Variants in EIF2AK1 observed in about 807,000 individuals in gnomAD.
The protein encoded by EIF2AK1 is eukaryotic translation initiation factor 2 alpha kinase 1.
Under a neutral mutation model 77.9 loss-of-function variants are expected in EIF2AK1, and 54 were observed. That is an observed-to-expected ratio of 0.69 (90% CI 0.56 to 0.87). The LOEUF (loss-of-function observed/expected upper bound fraction) is 0.87, where lower values mean the gene tolerates loss of function less well. Among genes scored for constraint, EIF2AK1 ranks in the 40% least tolerant of loss-of-function variants. The pLI, the probability that EIF2AK1 is intolerant of heterozygous loss-of-function variation, is 0.00. For missense variants in EIF2AK1, 810 were observed against 768.6 expected, an observed-to-expected ratio of 1.05 and a Z score of -0.64; for synonymous variants, 314 against 290.5, an observed-to-expected ratio of 1.08 and a Z score of -0.82.
intron 1 of EIF2AK1, among the ~76,000 whole-genome samples, chr7:6,056,605 A>AT (rs1157912221): frequency 3.5e-5 from 1 of 28,254 alleles, no homozygotes; most frequent in South Asian, 9.1e-4. Flanking sequence ...AGGGAAAAAA[A>AT]AAAAAAAAAT....
At chr7:6,049,800 A>G (rs1282294560) in intron 3 of EIF2AK1, 112 bp downstream of exon 3, 4 of 1,105,876 alleles carry the variant, frequency 3.6e-6, no homozygotes, top group African/African-American at 3.2e-5. Flanking sequence ...CCTAGAGTTT[A>G]TACTTTTAAA....
chr7:6,043,029 C>T (rs375005212), intron 7 of EIF2AK1, 36 bp from the exon 8 acceptor site: 9 of 1,601,360 alleles, frequency 5.6e-6, no homozygotes, highest in African/African-American at 5.4e-5. Context: ...CTTCAAACAG[C>T]CCAGTTTTTC....
chr7:6,045,946 C>T (rs568262703), intron 6 of EIF2AK1, 125 bp downstream of exon 6: 29 of 556,228 alleles, frequency 5.2e-5, no homozygotes, highest in African/African-American at 3.0e-4. Context: ...ACTATAACCC[C>T]ATTCCTAGTA....
rs150001751 is a variant in EIF2AK1 at position 6,038,665 on chromosome 7, A to G, written c.1126T>C (p.Tyr376His). The G allele has an allele frequency of 1.7e-5, 28 of 1,610,518 alleles. No homozygotes were observed. The Admixed American group carries it at 2.2e-4, about 13-fold the overall frequency. The part of the protein sequence containing the change: ...VNFLGQTEAQ[Y>H]HLMLHIQMQL... Reference sequence around the variant, plus strand: ...ATCTGGATGTGCAGCATCAGGTGGTACTGTGCCTAGGAGAGGACACAGTGA... The same window carrying G: ...ATCTGGATGTGCAGCATCAGGTGGTGCTGTGCCTAGGAGAGGACACAGTGA... The change falls in exon 10 of 15, where the codon TAC (tyrosine) becomes CAC (histidine). Residue 376 changes from tyrosine to histidine, a missense_variant. Physicochemically the swap from Tyr to His is moderately conservative, Grantham distance 83. Coordinates refer to ENST00000199389, the MANE Select transcript of EIF2AK1 (RefSeq NM_014413.4).
chr7:6,047,521 A>C (rs887548358), intron 4 of EIF2AK1, among the ~76,000 whole-genome samples: 5 of 151,976 alleles, frequency 3.3e-5, no homozygotes, highest in Admixed American at 6.6e-5. Flanking sequence ...AATAATTCAA[A>C]AATTAGCCGG....
chr7:6,054,488 A>G (rs1788695227), intron 2 of EIF2AK1, 58 bp downstream of exon 2: 1 of 1,591,104 alleles, frequency 6.3e-7, no homozygotes, highest in Non-Finnish European at 8.6e-7. Flanking sequence ...ACAGGCATGA[A>G]CCACGGAGCC....
At chr7:6,029,754 G>A (rs1332644699) in intron 11 of EIF2AK1, among the ~76,000 whole-genome samples, 5 of 151,710 alleles carry the variant, frequency 3.3e-5, no homozygotes, top group South Asian at 2.1e-4. Flanking sequence ...AGGCTGAGGC[G>A]GGCAAATCGC....
At position 6,024,064 on chromosome 7, in the gene EIF2AK1, G is replaced by A; in HGVS notation, c.*609C>T. The A allele has an allele frequency of 7.7e-7, 1 of 1,306,614 alleles. No homozygotes were observed. The highest frequency in any genetic ancestry group is 1.5e-5 in the African/African-American group (1 of 66,738). 80.9% of individuals were successfully genotyped at this position (1,306,614 alleles called of 1,614,324 possible). A position where few individuals can be genotyped will look rare whatever the true frequency, so the allele number is the denominator to read the frequency against. On this transcript the variant is annotated 3_prime_UTR_variant, in exon 15 of 15. Coordinates refer to ENST00000199389, the MANE Select transcript of EIF2AK1 (RefSeq NM_014413.4). Reference sequence around the variant, plus strand: ...ATCTGAGCTGCCTGGAGATCATCTGGGGTGCGGAGTACAAAGCTTTGCAAG... The same window carrying A: ...ATCTGAGCTGCCTGGAGATCATCTGAGGTGCGGAGTACAAAGCTTTGCAAG...
At position 6,024,653 on chromosome 7, in the gene EIF2AK1, CTTAAAAG is replaced by C. The variant is rs1402198947; in HGVS notation, c.*13_*19del. 2 of 1,613,678 alleles carry C rather than the reference CTTAAAAG, an allele frequency of 1.2e-6. No homozygotes were observed. The highest frequency in any genetic ancestry group is 1.7e-6 in the Non-Finnish European group (2 of 1,179,878). ...AAAAATTTACATTCCAGTTAACTAC[CTTAAAAG>C]TTAAGTCCACTTTCATCCCACGCCC... On this transcript the variant is annotated 3_prime_UTR_variant, in exon 15 of 15. Coordinates refer to ENST00000199389, the MANE Select transcript of EIF2AK1 (RefSeq NM_014413.4).
At chr7:6,037,096 T>G (rs892533642) in intron 11 of EIF2AK1, among the ~76,000 whole-genome samples, 1 of 152,064 alleles carries the variant, frequency 6.6e-6, no homozygotes, top group Non-Finnish European at 1.5e-5. Flanking sequence ...CTGGGCATGG[T>G]AGCACATGCC....
chr7:6,029,899 G>C (rs1351997415), intron 11 of EIF2AK1, among the ~76,000 whole-genome samples: 1 of 152,000 alleles, frequency 6.6e-6, no homozygotes, highest in African/African-American at 2.4e-5. Flanking sequence ...AGAATTGCTT[G>C]AACCTGGGAG....
Position 6,032,067 on chromosome 7 carries a change from G to A in EIF2AK1, c.1333-3035C>T, listed in dbSNP as rs943163384. 2.0e-5 allele frequency among the ~76,000 whole-genome samples: 3 copies of A among 152,054 alleles called. No homozygotes were observed. Among genetic ancestry groups the A allele is most frequent in the African/African-American group, 7.2e-5 (3 of 41,408 alleles). On this transcript the variant is annotated intron_variant, in intron 11 of 14. Transcript: ENST00000199389. This position sits in a 1 kb window ranked among gnomAD's most constrained non-coding sequence, Gnocchi z 4.3. ...CAGGAGCCTGTAATCTCAGCTACTC[G>A]GACGGCTGAGGCAGGAGAATTGCTT...
At chr7:6,054,991 C>G (rs1788709045) in intron 1 of EIF2AK1, among the ~76,000 whole-genome samples, 1 of 152,076 alleles carries the variant, frequency 6.6e-6, no homozygotes, top group African/African-American at 2.4e-5. Context: ...GGAAGTGGGA[C>G]TAGGATGGCT....
intron 3 of EIF2AK1, among the ~76,000 whole-genome samples, chr7:6,049,419 T>A (rs772465814): frequency 9.9e-5 from 15 of 152,070 alleles, no homozygotes; most frequent in Non-Finnish European, 1.8e-4. Context: ...GGCAGGTGCC[T>A]GTGGTCCCAG....
At chr7:6,052,195 T>A (rs1383799971) in intron 2 of EIF2AK1, among the ~76,000 whole-genome samples, 2 of 149,120 alleles carry the variant, frequency 1.3e-5, no homozygotes, top group East Asian at 3.9e-4. Context: ...AAAAAAGTCA[T>A]CTAAAGAGGC....
Position 6,024,282 on chromosome 7 carries a change from C to A in EIF2AK1, c.*391G>T. The A allele has an allele frequency of 4.1e-6, 5 of 1,211,244 alleles. No homozygotes were observed. Among genetic ancestry groups the A allele is most frequent in the Non-Finnish European group, 5.2e-6 (5 of 957,226 alleles). The allele number at this position is 1,211,244 out of a possible 1,614,324, so 75.0% of individuals were successfully genotyped here. ...CTGCAGTGTGAAAGGGGCAGGAAGACTGGCAGCTGTCAAAACTGGAACAGT... is the reference window on the plus strand; with the variant it reads ...CTGCAGTGTGAAAGGGGCAGGAAGAATGGCAGCTGTCAAAACTGGAACAGT... On this transcript the variant is annotated 3_prime_UTR_variant, in exon 15 of 15. Coordinates refer to ENST00000199389, the MANE Select transcript of EIF2AK1 (RefSeq NM_014413.4).
At chr7:6,029,520 C>T (rs1787840943) in intron 11 of EIF2AK1, among the ~76,000 whole-genome samples, 1 of 151,548 alleles carries the variant, frequency 6.6e-6, no homozygotes, top group African/African-American at 2.4e-5. Flanking sequence ...CAACATTCAA[C>T]CATTCCCCAG....
In EIF2AK1 at chr7:6,028,692, G is replaced by A; in HGVS notation, c.1453C>T (p.Pro485Ser). Reference protein sequence around the residue: ...DWTNRNGKRTPTHTSRVGTCL... With the variant: ...DWTNRNGKRTSTHTSRVGTCL... ...GTACCCACTCTGGACGTATGTGTTGGTGTTCCTATCATTTCAAAAGCCACA... is the reference window on the plus strand; with the variant it reads ...GTACCCACTCTGGACGTATGTGTTGATGTTCCTATCATTTCAAAAGCCACA... The change falls in exon 13 of 15, where the codon CCA (proline) becomes TCA (serine). Residue 485 changes from proline (P) to serine (S), a missense_variant. Physicochemically the swap from Pro to Ser is moderately conservative, Grantham distance 74 (BLOSUM62 -1). Coordinates refer to ENST00000199389, the MANE Select transcript of EIF2AK1 (RefSeq NM_014413.4). The A allele has an allele frequency of 6.2e-7, 1 of 1,614,166 alleles. No homozygotes were observed. The highest frequency in any genetic ancestry group is 8.5e-7 in the Non-Finnish European group (1 of 1,179,972).
chr7:6,054,848 A>C, intron 1 of EIF2AK1, 144 bp from the exon 2 acceptor site: 1 of 872,960 alleles, frequency 1.1e-6, no homozygotes, highest in Non-Finnish European at 1.7e-6. Context: ...GAGTTGGGTT[A>C]ATCAAGAAAG....
Sources: allele counts gnomAD v4.1 joint callset (sites outside exome capture counted in the v4.1 genomes callset), GRCh38; gene constraint gnomAD v4.1.1; non-coding constraint Gnocchi (gnomAD v3.1); transcripts MANE v1.5; gene names NCBI Gene and HGNC (gene_info 2026-07-23, HGNC 2026-07-21).